ANKS1B: variants seen among roughly 807,000 people sequenced by gnomAD.
ANKS1B encodes ankyrin repeat and sterile alpha motif domain-containing protein 1B.
ANKS1B carries 36 observed loss-of-function variants against 148.3 expected under a neutral mutation model. That is an observed-to-expected ratio of 0.24 (90% CI 0.19 to 0.32). The LOEUF (loss-of-function observed/expected upper bound fraction) is 0.32, where lower values mean the gene tolerates loss of function less well. Among genes scored for constraint, ANKS1B ranks in the 10% least tolerant of loss-of-function variants. The probability of loss-of-function intolerance (pLI) is 1.00; values close to 1 mark genes in which losing one functional copy is unlikely to be tolerated. For missense variants in ANKS1B, 1,157 were observed against 1,542.6 expected (o/e 0.75, Z 4.19); for synonymous variants, 542 against 560.8 (o/e 0.97, Z 0.47).
intron 4 of ANKS1B, among the ~76,000 whole-genome samples, chr12:99,787,673 A>G (rs2065155931): frequency 6.6e-6 from 1 of 152,230 alleles, no homozygotes; most frequent in Non-Finnish European, 1.5e-5. Context: ...TCAAGTGAAC[A>G]ATCACAGTAT....
intron 17 of ANKS1B, among the ~76,000 whole-genome samples, chr12:98,870,524 G>A (rs934858097): frequency 1.3e-5 from 2 of 152,172 alleles, no homozygotes; most frequent in Admixed American, 6.5e-5. Context: ...TTTCAGGCCT[G>A]CCTGGGAGAA....
At chr12:98,758,207 G>A (rs1255891483) in intron 25 of ANKS1B, among the ~76,000 whole-genome samples, 1 of 151,978 alleles carries the variant, frequency 6.6e-6, no homozygotes, top group African/African-American at 2.4e-5. Flanking sequence ...TCTGTATGCC[G>A]TAGGTCTATT....
chr12:99,871,797 T>C (rs1388165704), intron 1 of ANKS1B, among the ~76,000 whole-genome samples: 2 of 152,154 alleles, frequency 1.3e-5, no homozygotes, highest in African/African-American at 2.4e-5. Flanking sequence ...CATTTATTAA[T>C]TCCAGGAGCC....
chr12:99,021,657 G>A (rs1353208800), intron 17 of ANKS1B, among the ~76,000 whole-genome samples: 1 of 152,122 alleles, frequency 6.6e-6, no homozygotes, highest in African/African-American at 2.4e-5. Context: ...CCCAATAAAG[G>A]TGATATTTTA....
chr12:99,035,743 C>A (rs777094643), intron 17 of ANKS1B, among the ~76,000 whole-genome samples: 1 of 152,122 alleles, frequency 6.6e-6, no homozygotes. Context: ...TGTAATGGCC[C>A]TGAGGCAGGA....
At chr12:99,682,533 G>T (rs1177100672) in intron 8 of ANKS1B, among the ~76,000 whole-genome samples, 1 of 152,098 alleles carries the variant, frequency 6.6e-6, no homozygotes, top group Non-Finnish European at 1.5e-5. Flanking sequence ...AATCAAAATG[G>T]AAATTTAAAA....
In ANKS1B at chr12:98,744,147, G is replaced by T. The variant is rs1565925933; in HGVS notation, c.*1592C>A. 1 of 985,538 alleles carries T rather than the reference G, an allele frequency of 1.0e-6. No homozygotes were observed. Among genetic ancestry groups the T allele is most frequent in the Non-Finnish European group, 1.2e-6 (1 of 829,804 alleles). 61.0% of individuals were successfully genotyped at this position (985,538 alleles called of 1,614,324 possible). On this transcript the variant is annotated 3_prime_UTR_variant, in exon 27 of 27. Coordinates refer to ENST00000683438, the MANE Select transcript of ANKS1B (RefSeq NM_001352186.2). Reference sequence around the variant, plus strand: ...AATTGCCTCCTGGTACCATATTTTAGTGTTATTTAACTCTCATTTTGCTAC... The same window carrying T: ...AATTGCCTCCTGGTACCATATTTTATTGTTATTTAACTCTCATTTTGCTAC...
At chr12:98,885,532 T>C (rs2099737693) in intron 17 of ANKS1B, among the ~76,000 whole-genome samples, 1 of 152,168 alleles carries the variant, frequency 6.6e-6, no homozygotes, top group African/African-American at 2.4e-5. Context: ...TCAACAGAAG[T>C]GAACACTCCA....
chr12:99,394,452 C>T (rs2094177415), intron 12 of ANKS1B, among the ~76,000 whole-genome samples: 1 of 152,110 alleles, frequency 6.6e-6, no homozygotes, highest in African/African-American at 2.4e-5. Context: ...CCTCTCCTCC[C>T]TTTCTCCCTT....
At chr12:99,956,850 A>G (rs1440684545) in intron 1 of ANKS1B, among the ~76,000 whole-genome samples, 3 of 152,230 alleles carry the variant, frequency 2.0e-5, no homozygotes, top group Admixed American at 1.3e-4. Flanking sequence ...CCAATTACCA[A>G]TTGACATAGC....
chr12:99,549,890 G>A (rs2097202804), intron 9 of ANKS1B, among the ~76,000 whole-genome samples: 1 of 152,292 alleles, frequency 6.6e-6, no homozygotes, highest in South Asian at 2.1e-4. Context: ...CCTAACTGCA[G>A]AAAATTCCTC....
intron 24 of ANKS1B, among the ~76,000 whole-genome samples, chr12:98,776,818 C>T (rs567688412): frequency 3.3e-5 from 5 of 152,266 alleles, no homozygotes; most frequent in Admixed American, 6.5e-5. Flanking sequence ...CTGTGGGGCA[C>T]GTGATGCTGA....
intron 8 of ANKS1B, among the ~76,000 whole-genome samples, chr12:99,668,327 C>A (rs1306310598): frequency 6.6e-6 from 1 of 151,872 alleles, no homozygotes; most frequent in Admixed American, 6.6e-5. Flanking sequence ...TTCATATCCC[C>A]TCCCTTTTAT....
chr12:99,267,333 A>AT (rs1223686509), intron 12 of ANKS1B, among the ~76,000 whole-genome samples: 2 of 151,912 alleles, frequency 1.3e-5, no homozygotes, highest in African/African-American at 4.8e-5. Context: ...TTTATGCCTA[A>AT]TTTTTTTTCT....
chr12:99,192,030 G>C (rs948285849), intron 14 of ANKS1B, among the ~76,000 whole-genome samples: 2 of 147,160 alleles, frequency 1.4e-5, no homozygotes, highest in African/African-American at 5.1e-5. Context: ...TACTCAGGAG[G>C]CTAAGGCAGG....
intron 12 of ANKS1B, among the ~76,000 whole-genome samples, chr12:99,315,860 T>C (rs7132914): frequency 0.97 from 148,001 of 151,984 alleles, 72,091 homozygotes; most frequent in East Asian, 1. Flanking sequence ...GTGATGTTCC[T>C]CACTCTGTGT....
chr12:99,222,969 T>C (rs1356412485), intron 14 of ANKS1B, among the ~76,000 whole-genome samples: 1 of 152,226 alleles, frequency 6.6e-6, no homozygotes, highest in Admixed American at 6.5e-5. Flanking sequence ...AAAGTGGACA[T>C]GGGTGTGTGC....
In ANKS1B at chr12:98,955,619, C is replaced by T. The variant is rs534199927; in HGVS notation, c.2778+97538G>A. Among the ~76,000 whole-genome samples the T allele has an allele frequency of 6.6e-5, 10 of 152,142 alleles. No homozygotes were observed. In the East Asian group the frequency reaches 9.7e-4, roughly 15 times the overall value. On this transcript the variant is annotated intron_variant, in intron 17 of 26. Transcript: ENST00000683438. ...AGGCAGTTACATTCTGCATATATTC[C>T]GAGAGTACAGCCAACAGGATTTGCT...
At chr12:99,185,311 T>A (rs925597066) in intron 14 of ANKS1B, among the ~76,000 whole-genome samples, 32 of 152,216 alleles carry the variant, frequency 2.1e-4, no homozygotes, top group African/African-American at 6.8e-4. Flanking sequence ...TAAACTGAAA[T>A]TTAGACATTT....
Sources: gnomAD v4.1 joint callset for allele counts (sites outside exome capture counted in the v4.1 genomes callset) on GRCh38, gnomAD v4.1.1 for gene constraint, MANE v1.5 for transcripts, NCBI Gene and HGNC (gene_info 2026-07-23, HGNC 2026-07-21) for gene names.